HMGCLL1: variants seen among roughly 807,000 people sequenced by gnomAD.
The protein encoded by HMGCLL1 is 3-hydroxymethyl-3-methylglutaryl-CoA lyase, cytoplasmic.
HMGCLL1 carries 36 observed loss-of-function variants against 39.1 expected under a neutral mutation model. That is an observed-to-expected ratio of 0.92 (90% CI 0.71 to 1.22). The LOEUF is 1.22. HMGCLL1 is among the 50% of genes most tolerant of loss of function. HMGCLL1 has a pLI of 0.00. For synonymous variants in HMGCLL1, 149 were observed against 144.0 expected, an observed-to-expected ratio of 1.03 and a Z score of -0.25; for missense variants, 451 against 416.5, an observed-to-expected ratio of 1.08 and a Z score of -0.72.
the HMGCLL1 span, among the ~76,000 whole-genome samples, chr6:55,586,109 A>C: frequency 2.2e-3 from 334 of 152,246 alleles, 2 homozygotes; most frequent in East Asian, 0.031. Context: ...AGTCAACACA[A>C]GAAACTTCTA....
chr6:55,627,049 G>GAAAAAAAAAAAAAAAAAAAAAA, the HMGCLL1 span, among the ~76,000 whole-genome samples: 2 of 85,808 alleles, frequency 2.3e-5, no homozygotes, highest in African/African-American at 4.6e-5. Context: ...CACTCCACCA[G>GAAAAAAAAAAAAAAAAAAAAAA]AAAAAAAAAA....
intron 3 of HMGCLL1, among the ~76,000 whole-genome samples, chr6:55,536,935 G>A (rs1769068772): frequency 6.6e-6 from 1 of 151,920 alleles, no homozygotes; most frequent in Non-Finnish European, 1.5e-5. Context: ...CTACATTTGA[G>A]GAAAAAAATA....
chr6:55,522,960 A>G (rs1369545068), intron 3 of HMGCLL1, among the ~76,000 whole-genome samples: 1 of 152,030 alleles, frequency 6.6e-6, no homozygotes. Flanking sequence ...CATGTGAGAA[A>G]AAAATACAAA....
At chr6:55,658,456 T>A in the HMGCLL1 span, among the ~76,000 whole-genome samples, 1 of 151,978 alleles carries the variant, frequency 6.6e-6, no homozygotes, top group Non-Finnish European at 1.5e-5. Flanking sequence ...GAGATGGGAA[T>A]GCGTTGTGGG....
chr6:55,536,342 T>C (rs554756903), intron 3 of HMGCLL1, among the ~76,000 whole-genome samples: 1 of 152,348 alleles, frequency 6.6e-6, no homozygotes, highest in Non-Finnish European at 1.5e-5. Context: ...ATGGCATACA[T>C]AAATGTACAA....
At chr6:55,545,882 C>G (rs1259881892) in intron 1 of HMGCLL1, among the ~76,000 whole-genome samples, 3 of 151,970 alleles carry the variant, frequency 2.0e-5, no homozygotes, top group African/African-American at 7.2e-5. Flanking sequence ...ACATAGTCAA[C>G]AAGTATGAAA....
intron 1 of HMGCLL1, among the ~76,000 whole-genome samples, chr6:55,560,124 T>A (rs1043033729): frequency 3.3e-5 from 5 of 152,160 alleles, no homozygotes; most frequent in Non-Finnish European, 5.9e-5. Context: ...ACAAAATTTT[T>A]GTTCAAAGTA....
chr6:55,575,428 A>T (rs547304013), intron 1 of HMGCLL1, among the ~76,000 whole-genome samples: 1 of 152,150 alleles, frequency 6.6e-6, no homozygotes, highest in Non-Finnish European at 1.5e-5. Flanking sequence ...CTAATAATTC[A>T]TCAGGGATAT....
At chr6:55,510,855 A>C (rs1417616531) in intron 5 of HMGCLL1, among the ~76,000 whole-genome samples, 2 of 151,278 alleles carry the variant, frequency 1.3e-5, no homozygotes, top group East Asian at 3.9e-4. Flanking sequence ...ATTTCTATTT[A>C]TAATCATTTT....
chr6:55,553,248 C>CGTGTGCGTGTGT (rs1554158809), intron 1 of HMGCLL1, among the ~76,000 whole-genome samples: 1 of 143,636 alleles, frequency 7.0e-6, no homozygotes, highest in Non-Finnish European at 1.5e-5. Context: ...TACATATATA[C>CGTGTGCGTGTGT]GTGTGTGTGT....
At chr6:55,649,089 C>T in the HMGCLL1 span, among the ~76,000 whole-genome samples, 1 of 152,002 alleles carries the variant, frequency 6.6e-6, no homozygotes, top group African/African-American at 2.4e-5. Flanking sequence ...TCATTTAGTC[C>T]TTCTACTTAA....
the HMGCLL1 span, among the ~76,000 whole-genome samples, chr6:55,632,020 G>T: frequency 6.6e-6 from 1 of 151,976 alleles, no homozygotes; most frequent in African/African-American, 2.4e-5. Flanking sequence ...AAAGTATTAA[G>T]GTTTTTTTGT....
At chr6:55,477,216 TTATAA>T (rs1223224001) in intron 7 of HMGCLL1, among the ~76,000 whole-genome samples, 5 of 14,258 alleles carry the variant, frequency 3.5e-4, no homozygotes, top group African/African-American at 5.7e-4. Context: ...ATATATTATA[TTATAA>T]TATATAATAT....
upstream of HMGCLL1, among the ~76,000 whole-genome samples, chr6:55,581,655 G>C (rs184246708): frequency 1.3e-5 from 2 of 151,846 alleles, no homozygotes; most frequent in South Asian, 2.1e-4. Context: ...TTTGTGGAAG[G>C]TTCTATAGTT....
rs2127383626 is a variant in HMGCLL1 at position 55,444,092 on chromosome 6, G to T, written c.796-4533C>A. Among the ~76,000 whole-genome samples the T allele has an allele frequency of 2.6e-5, 4 of 152,098 alleles. No individual in the cohort carries two copies. The East Asian group carries it at 7.7e-4, about 29-fold the overall frequency. ...TGAAAATTCATTGAGCTTATAATTT[G>T]TACACATTTCCATATATACATTATA... is the stretch of plus-strand genomic sequence containing the variant. On this transcript the variant is annotated intron_variant, in intron 7 of 8. Coordinates refer to ENST00000274901, the MANE Select transcript of HMGCLL1 (RefSeq NM_001042406.2).
In HMGCLL1 at chr6:55,435,287, T is replaced by G. The variant is rs1036416432; in HGVS notation, c.*375A>C. On this transcript the variant is annotated 3_prime_UTR_variant, in exon 9 of 9. Coordinates refer to ENST00000274901, the MANE Select transcript of HMGCLL1 (RefSeq NM_001042406.2). The stretch of plus-strand genomic sequence containing the variant: ...GCATACTATGCAGGAGCTCATAAAC[T>G]ACTGACAATATGTACACAGTGTTAA... 14 of 160,314 alleles carry G rather than the reference T, an allele frequency of 8.7e-5. No homozygotes were observed. The highest frequency in any genetic ancestry group is 1.8e-4 in the Non-Finnish European group (13 of 72,576). The allele number at this position is 160,314 out of a possible 1,614,324, so 9.9% of individuals were successfully genotyped here.
At chr6:55,644,680 G>C in the HMGCLL1 span, among the ~76,000 whole-genome samples, 2 of 151,848 alleles carry the variant, frequency 1.3e-5, no homozygotes, top group South Asian at 2.1e-4. Flanking sequence ...TATGTTCTTG[G>C]CACCTTTTTC....
At chr6:55,584,258 A>C in the HMGCLL1 span, among the ~76,000 whole-genome samples, 1 of 152,260 alleles carries the variant, frequency 6.6e-6, no homozygotes, top group Non-Finnish European at 1.5e-5. Flanking sequence ...ATAATTTTCA[A>C]TGTATTCTGG....
the HMGCLL1 span, among the ~76,000 whole-genome samples, chr6:55,668,996 C>T: frequency 6.6e-6 from 1 of 151,680 alleles, no homozygotes; most frequent in East Asian, 2.0e-4. Flanking sequence ...CCCTGTCCTC[C>T]TACCACATGG....
Sources: allele counts gnomAD v4.1 joint callset (sites outside exome capture counted in the v4.1 genomes callset), GRCh38; gene constraint gnomAD v4.1.1; transcripts MANE v1.5; gene names NCBI Gene and HGNC (gene_info 2026-07-23, HGNC 2026-07-21).